The following NXPE1 variants were observed in gnomAD, a reference collection of about 807,000 sequenced individuals.
NXPE1 encodes the protein neurexophilin and PC-esterase domain family member 1.
Under a neutral mutation model 33.3 loss-of-function variants are expected in NXPE1, and 31 were observed. The observed-to-expected ratio is 0.93, with a 90% CI of 0.70 to 1.26. NXPE1 has a LOEUF of 1.26. NXPE1 is among the 50% of genes most tolerant of loss of function. NXPE1 has a pLI of 0.00. For missense variants in NXPE1, 661 were observed against 655.6 expected (o/e 1.01, Z -0.09); for synonymous variants, 229 against 231.4 (o/e 0.99, Z 0.09).
chr11:114,522,273 T>C (rs763324761), exon 9 of NXPE1: 3 of 1,614,050 alleles, frequency 1.9e-6, no homozygotes, highest in Non-Finnish European at 2.5e-6. Context: ...AAAATGTCAA[T>C]GGGAAATGGT....
intron 5 of NXPE1, among the ~76,000 whole-genome samples, chr11:114,533,705 G>T (rs1367616756): frequency 6.6e-6 from 1 of 152,192 alleles, no homozygotes; most frequent in African/African-American, 2.4e-5. Flanking sequence ...AGCAATCTGA[G>T]ATCAAACTGC....
At chr11:114,538,000 G>A (rs1405633406) in intron 5 of NXPE1, among the ~76,000 whole-genome samples, 2 of 152,168 alleles carry the variant, frequency 1.3e-5, no homozygotes, top group African/African-American at 4.8e-5. Flanking sequence ...AACAAAGCTG[G>A]AGGCATCCCG....
Position 114,542,979 on chromosome 11 carries a change from G to A in NXPE1, c.99+8124C>T, listed in dbSNP as rs1411016737. Among the ~76,000 whole-genome samples, 6 of 152,172 alleles carry A rather than the reference G, an allele frequency of 3.9e-5. No individual in the cohort carries two copies. In the East Asian group the frequency reaches 9.6e-4, roughly 24 times the overall value. ...CAATTAAAGTATATTTTCAGGTCAGGTAAAGTGGCTTATGCCTATAATCCC... is the reference window on the plus strand; with the variant it reads ...CAATTAAAGTATATTTTCAGGTCAGATAAAGTGGCTTATGCCTATAATCCC... On this transcript the variant is annotated intron_variant, in intron 5 of 8. Transcript: ENST00000534921.
chr11:114,544,413 T>A (rs2135069834), intron 5 of NXPE1, among the ~76,000 whole-genome samples: 1 of 152,216 alleles, frequency 6.6e-6, no homozygotes, highest in African/African-American at 2.4e-5. Flanking sequence ...AGAAAGCCAA[T>A]AAACAAATGC....
chr11:114,553,888 A>G, intron 1 of NXPE1: 11 of 977,026 alleles, frequency 1.1e-5, no homozygotes, highest in Non-Finnish European at 8.5e-6. Context: ...GTACATTTAG[A>G]TCGTGGAAGT....
At chr11:114,547,379 A>T (rs1352017176) in intron 5 of NXPE1, among the ~76,000 whole-genome samples, 2 of 152,238 alleles carry the variant, frequency 1.3e-5, no homozygotes, top group Non-Finnish European at 2.9e-5. Context: ...ATACCAGACC[A>T]CTGTTCCTTA....
chr11:114,549,637 G>A (rs1398922378), intron 5 of NXPE1, among the ~76,000 whole-genome samples: 2 of 151,948 alleles, frequency 1.3e-5, no homozygotes, highest in Non-Finnish European at 1.5e-5. Flanking sequence ...TTACTTAAGG[G>A]AAACACTAAA....
At chr11:114,526,149 C>T (rs1267462870) in intron 7 of NXPE1, among the ~76,000 whole-genome samples, 1 of 152,124 alleles carries the variant, frequency 6.6e-6, no homozygotes, top group South Asian at 2.1e-4. Flanking sequence ...ATGTGGGCAG[C>T]CTTAAAAACC....
chr11:114,530,460 A>T (rs760849432), exon 6 of NXPE1: 1 of 1,614,224 alleles, frequency 6.2e-7, no homozygotes, highest in Non-Finnish European at 8.5e-7. Flanking sequence ...ACTGGGGTGG[A>T]TGAGCAGCAG....
At chr11:114,558,119 A>G (rs1435228665) in intron 1 of NXPE1, among the ~76,000 whole-genome samples, 5 of 152,076 alleles carry the variant, frequency 3.3e-5, no homozygotes, top group African/African-American at 7.2e-5. Flanking sequence ...AAAGGAGACT[A>G]TAAGCAAGTC....
At chr11:114,534,958 C>T (rs1947742087) in intron 5 of NXPE1, among the ~76,000 whole-genome samples, 1 of 152,226 alleles carries the variant, frequency 6.6e-6, no homozygotes, top group Non-Finnish European at 1.5e-5. Context: ...TAGAGAAGAG[C>T]AACTCCACGA....
chr11:114,556,184 T>C (rs1948643960), intron 1 of NXPE1, among the ~76,000 whole-genome samples: 1 of 152,206 alleles, frequency 6.6e-6, no homozygotes, highest in East Asian at 1.9e-4. Context: ...AGTTTATACC[T>C]CTCAGTTTGA....
intron 7 of NXPE1, among the ~76,000 whole-genome samples, chr11:114,524,399 T>C (rs1487244214): frequency 6.6e-6 from 1 of 152,210 alleles, no homozygotes; most frequent in Non-Finnish European, 1.5e-5. Flanking sequence ...GTCCACAGAA[T>C]AGTGCATCAT....
intron 8 of NXPE1, 61 bp downstream of exon 8, chr11:114,522,818 C>T: frequency 2.5e-6 from 3 of 1,195,720 alleles, no homozygotes; most frequent in East Asian, 4.7e-5. Flanking sequence ...GAATAGAGAC[C>T]TCATTAAAAG....
At chr11:114,556,711 A>C (rs1948656250) in intron 1 of NXPE1, among the ~76,000 whole-genome samples, 1 of 151,660 alleles carries the variant, frequency 6.6e-6, no homozygotes, top group Non-Finnish European at 1.5e-5. Flanking sequence ...TTTTTTCCAG[A>C]GTTTAATACT....
rs574482012 is a variant in NXPE1 at position 114,536,333 on chromosome 11, A to G, written c.100-5425T>C. Among the ~76,000 whole-genome samples, 386 of 152,344 alleles carry G rather than the reference A, an allele frequency of 2.5e-3. 3 individuals are homozygous for G. Among genetic ancestry groups the G allele is most frequent in the African/African-American group, 9.1e-3 (379 of 41,586 alleles). ...TAAATGCCCACAAGAGAAAGCAGGA[A>G]AGATGAAAAATTGACACCCTAACAT... On this transcript the variant is annotated intron_variant, in intron 5 of 8. Coordinates refer to ENST00000534921, the Ensembl canonical transcript of NXPE1.
At chr11:114,536,572 A>G (rs898662197) in intron 5 of NXPE1, among the ~76,000 whole-genome samples, 4 of 152,334 alleles carry the variant, frequency 2.6e-5, no homozygotes, top group Middle Eastern at 3.4e-3. Context: ...AGAATCAAAT[A>G]GACGCCATAA....
chr11:114,558,768 G>A (rs1948714172), intron 1 of NXPE1, among the ~76,000 whole-genome samples: 1 of 152,146 alleles, frequency 6.6e-6, no homozygotes, highest in African/African-American at 2.4e-5. Context: ...AAAGCAGAAT[G>A]GCAATATTTC....
rs552529617 is a variant in NXPE1 at position 114,535,715 on chromosome 11, T to C, written c.100-4807A>G. Among the ~76,000 whole-genome samples the C allele has an allele frequency of 2.6e-5, 4 of 152,142 alleles. No individual in the cohort carries two copies. The South Asian group carries it at 8.3e-4, about 32-fold the overall frequency. On this transcript the variant is annotated intron_variant, in intron 5 of 8. Coordinates refer to ENST00000534921, the Ensembl canonical transcript of NXPE1. ...ATTACATAATGGTAAAGGAATCAAT[T>C]CAACAAGAAGAACTAGCTATCCTAA...
Sources: gnomAD v4.1 joint callset for allele counts (sites outside exome capture counted in the v4.1 genomes callset) on GRCh38, gnomAD v4.1.1 for gene constraint, MANE v1.5 for transcripts, NCBI Gene and HGNC (gene_info 2026-07-23, HGNC 2026-07-21) for gene names.